ARHGAP26: variants seen among roughly 807,000 people sequenced by gnomAD.
ARHGAP26 encodes the protein Rho GTPase activating protein 26.
Under a neutral mutation model 104.8 loss-of-function variants are expected in ARHGAP26, and 38 were observed. That is an observed-to-expected ratio of 0.36 (90% CI 0.28 to 0.48). The LOEUF (loss-of-function observed/expected upper bound fraction) is 0.48. Ranked by LOEUF, ARHGAP26 falls within the 20% of genes least tolerant of loss-of-function variation. The probability of loss-of-function intolerance (pLI) is 0.99; values close to 1 mark genes in which losing one functional copy is unlikely to be tolerated. For synonymous variants in ARHGAP26, 341 were observed against 340.0 expected, an observed-to-expected ratio of 1.00 and a Z score of -0.03; for missense variants, 704 against 947.9, an observed-to-expected ratio of 0.74 and a Z score of 3.38.
chr5:143,223,284 C>G lies in ARHGAP26; in HGVS notation c.*838C>G, dbSNP rs946486756. ...AATGGTTTTCTAACAACTTGAAGCA[C>G]AGGATCAAGGAATTAGGGTGGTCTA... is the stretch of plus-strand genomic sequence containing the variant. On this transcript the variant is annotated 3_prime_UTR_variant, in exon 23 of 23. Transcript: ENST00000645722. 2.1e-5 allele frequency: 5 copies of G among 232,924 alleles called. No individual in the cohort carries two copies. Among genetic ancestry groups the G allele is most frequent in the Non-Finnish European group, 4.2e-5 (5 of 117,662 alleles). 14.4% of individuals were successfully genotyped at this position (232,924 alleles called of 1,614,324 possible). A position where few individuals can be genotyped will look rare whatever the true frequency, so the allele number is the denominator to read the frequency against.
intron 11 of ARHGAP26, among the ~76,000 whole-genome samples, chr5:142,963,164 G>GATATATATATATATATATA (rs1770567184): frequency 9.3e-5 from 7 of 75,506 alleles, no homozygotes; most frequent in African/African-American, 3.6e-4. Context: ...GTATTCCATG[G>GATATATATATATATATATA]TATATATGTA....
chr5:143,048,929 A>AC (rs1187340545), intron 14 of ARHGAP26, among the ~76,000 whole-genome samples: 1 of 151,440 alleles, frequency 6.6e-6, no homozygotes, highest in Non-Finnish European at 1.5e-5. Context: ...GAAAAAAAAA[A>AC]AAAAAAACCT....
intron 1 of ARHGAP26, among the ~76,000 whole-genome samples, chr5:142,806,531 A>T (rs1400427549): frequency 6.6e-6 from 1 of 151,748 alleles, no homozygotes; most frequent in Non-Finnish European, 1.5e-5. Flanking sequence ...GGTTGTTGAA[A>T]TTCCCAAATC....
At chr5:143,188,742 G>A (rs937817766) in intron 20 of ARHGAP26, among the ~76,000 whole-genome samples, 3 of 152,192 alleles carry the variant, frequency 2.0e-5, no homozygotes, top group South Asian at 2.1e-4. Context: ...CATGAATACC[G>A]TTGCAAGTGA....
intron 11 of ARHGAP26, among the ~76,000 whole-genome samples, chr5:142,988,459 T>G (rs1775100654): frequency 6.6e-6 from 1 of 152,174 alleles, no homozygotes; most frequent in Admixed American, 6.5e-5. Flanking sequence ...ATTCATTGAT[T>G]TTTTGAAGGG....
intron 1 of ARHGAP26, among the ~76,000 whole-genome samples, chr5:142,839,366 GT>G (rs761195666): frequency 0.033 from 4,859 of 147,388 alleles, 101 homozygotes; most frequent in South Asian, 0.081. Flanking sequence ...TCCTTTGAAG[GT>G]TTTTTTTTTT....
At chr5:142,998,833 T>C (rs1300983298) in intron 11 of ARHGAP26, among the ~76,000 whole-genome samples, 1 of 152,072 alleles carries the variant, frequency 6.6e-6, no homozygotes, top group Non-Finnish European at 1.5e-5. Flanking sequence ...CACGAGACGG[T>C]GAGCTAGTCT....
chr5:143,076,159 ATTTTTTTTTT>A (rs368079758), intron 17 of ARHGAP26, among the ~76,000 whole-genome samples: 2 of 109,978 alleles, frequency 1.8e-5, no homozygotes, highest in African/African-American at 7.1e-5. Context: ...GACCTGGCTA[ATTTTTTTTTT>A]TTTTTTTTTT....
chr5:143,087,348 A>G (rs576180999), intron 17 of ARHGAP26, among the ~76,000 whole-genome samples: 2 of 152,358 alleles, frequency 1.3e-5, no homozygotes, highest in African/African-American at 4.8e-5. Context: ...CAACTATAAA[A>G]GGATGAGTAT....
At chr5:143,027,365 G>A (rs1228433676) in intron 12 of ARHGAP26, among the ~76,000 whole-genome samples, 1 of 138,512 alleles carries the variant, frequency 7.2e-6, no homozygotes, top group East Asian at 2.1e-4. Flanking sequence ...TTTTTTTTTA[G>A]TAGAGACAGG....
At chr5:143,157,172 C>CT (rs56740224) in intron 20 of ARHGAP26, among the ~76,000 whole-genome samples, 2,299 of 141,210 alleles carry the variant, frequency 0.016, 53 homozygotes, top group African/African-American at 0.046. Flanking sequence ...CACATTCTTT[C>CT]TTTTTTTTTT....
intron 8 of ARHGAP26, among the ~76,000 whole-genome samples, chr5:142,906,659 G>C (rs1252945607): frequency 6.6e-6 from 1 of 152,130 alleles, no homozygotes; most frequent in Non-Finnish European, 1.5e-5. Flanking sequence ...CAGTGCTTTG[G>C]GAATCTTTGT....
chr5:143,046,731 T>C, intron 14 of ARHGAP26, among the ~76,000 whole-genome samples: 1 of 152,368 alleles, frequency 6.6e-6, no homozygotes, highest in East Asian at 1.9e-4. Context: ...GTAAATCAGC[T>C]ATATACTTGT....
At chr5:143,080,093 A>G (rs1441244929) in intron 17 of ARHGAP26, among the ~76,000 whole-genome samples, 2 of 152,152 alleles carry the variant, frequency 1.3e-5, no homozygotes, top group Admixed American at 1.3e-4. Context: ...TTTTGCCTAT[A>G]AGATGGGAGC....
At chr5:142,794,151 C>CT (rs1235137535) in intron 1 of ARHGAP26, among the ~76,000 whole-genome samples, 2 of 152,212 alleles carry the variant, frequency 1.3e-5, no homozygotes, top group Non-Finnish European at 2.9e-5. Flanking sequence ...CTCAGGCAGT[C>CT]TTTTCCTTCA....
At chr5:143,006,495 C>T (rs1777992179) in intron 11 of ARHGAP26, among the ~76,000 whole-genome samples, 1 of 152,058 alleles carries the variant, frequency 6.6e-6, no homozygotes, top group East Asian at 1.9e-4. Flanking sequence ...GAAGTGCCAT[C>T]AACTATATTT....
chr5:143,155,778 A>C (rs1800401409), intron 20 of ARHGAP26, among the ~76,000 whole-genome samples: 1 of 152,246 alleles, frequency 6.6e-6, no homozygotes, highest in Non-Finnish European at 1.5e-5. Context: ...ACAAGCTAAA[A>C]TCATATAAAG....
intron 3 of ARHGAP26, among the ~76,000 whole-genome samples, chr5:142,875,836 G>A (rs1756000767): frequency 1.3e-5 from 2 of 152,136 alleles, no homozygotes; most frequent in African/African-American, 2.4e-5. Flanking sequence ...AAACTCCTGG[G>A]CTCAAGCGAT....
intron 12 of ARHGAP26, among the ~76,000 whole-genome samples, chr5:143,015,417 A>G (rs983089398): frequency 6.6e-6 from 1 of 152,224 alleles, no homozygotes; most frequent in Non-Finnish European, 1.5e-5. Context: ...CCGGTGAGAA[A>G]GGGTCTTCTG....
Sources: allele counts gnomAD v4.1 joint callset (sites outside exome capture counted in the v4.1 genomes callset), GRCh38; gene constraint gnomAD v4.1.1; transcripts MANE v1.5; gene names NCBI Gene and HGNC (gene_info 2026-07-23, HGNC 2026-07-21).